TMEM255B: variants seen among roughly 807,000 people sequenced by gnomAD.
TMEM255B encodes the protein family with sequence similarity 70, member B.
Under a neutral mutation model 34.5 loss-of-function variants are expected in TMEM255B, and 35 were observed. The observed-to-expected ratio is 1.01, with a 90% CI of 0.77 to 1.34. The LOEUF (loss-of-function observed/expected upper bound fraction) is 1.34, where lower values mean the gene tolerates loss of function less well. Among genes scored for constraint, TMEM255B ranks in the 40% most tolerant of loss-of-function variants. The pLI is 0.00. For missense variants in TMEM255B, 432 were observed against 433.2 expected, an observed-to-expected ratio of 1.00 and a Z score of 0.02; for synonymous variants, 206 against 201.2, an observed-to-expected ratio of 1.02 and a Z score of -0.20.
At chr13:113,795,943 G>GCA (rs1173810363) in intron 4 of TMEM255B, among the ~76,000 whole-genome samples, 1 of 125,314 alleles carries the variant, frequency 8.0e-6, no homozygotes, top group Non-Finnish European at 1.6e-5. Flanking sequence ...AACACACAGA[G>GCA]CACACAGCAC....
chr13:113,788,748 C>G (rs1229407875), intron 3 of TMEM255B, among the ~76,000 whole-genome samples: 1 of 152,116 alleles, frequency 6.6e-6, no homozygotes, highest in East Asian at 1.9e-4. Context: ...GTACTCCACT[C>G]GCGCTTCTGG....
chr13:113,784,056 A>G (rs976142912), intron 3 of TMEM255B, among the ~76,000 whole-genome samples: 2 of 152,076 alleles, frequency 1.3e-5, no homozygotes, highest in Non-Finnish European at 2.9e-5. Flanking sequence ...GTCGTTATCT[A>G]GTTTGAATTG....
intron 4 of TMEM255B, among the ~76,000 whole-genome samples, chr13:113,796,553 T>C (rs1393113423): frequency 6.6e-6 from 1 of 150,866 alleles, no homozygotes; most frequent in Non-Finnish European, 1.5e-5. Flanking sequence ...CACACACACA[T>C]ACACACCACA....
At chr13:113,798,253 TGATG>T (rs2050976462) in intron 4 of TMEM255B, among the ~76,000 whole-genome samples, 2 of 149,350 alleles carry the variant, frequency 1.3e-5, no homozygotes, top group South Asian at 4.3e-4. Context: ...GAAGGATGGA[TGATG>T]GATGGATAGA....
rs1009168310 is a variant in TMEM255B, at chr13:113,816,284, A to T, written c.*4381A>T. The T allele has an allele frequency of 7.1e-6, 1 of 140,984 alleles. No individual in the cohort carries two copies. The highest frequency in any genetic ancestry group is 8.3e-5 in the Admixed American group (1 of 12,050). The allele number at this position is 140,984 out of a possible 1,614,324, so 8.7% of individuals were successfully genotyped here. A position where few individuals can be genotyped will look rare whatever the true frequency, so the allele number is the denominator to read the frequency against. ...CAAGTGTGTTCTAAGCGTGTTCTGG[A>T]TGGGGAGAGGTGCAGTCACTGGTCA... On this transcript the variant is annotated 3_prime_UTR_variant, in exon 9 of 9. Coordinates refer to ENST00000375353, the MANE Select transcript of TMEM255B (RefSeq NM_182614.4).
At position 113,806,937 on chromosome 13, in the gene TMEM255B, G is replaced by C. The variant is rs142479538; in HGVS notation, c.813+1909G>C. On this transcript the variant is annotated intron_variant, in intron 8 of 8. Transcript: ENST00000375353. The surrounding 1 kb of genome is among the most constrained non-coding windows in gnomAD (Gnocchi z 4.2). ...TTGGAATCGCATGGGTGCCAAGAAC[G>C]TGCAGCCCAGAGCATAGCCTCGGTG... Among the ~76,000 whole-genome samples, 1 of 152,174 alleles carries C rather than the reference G, an allele frequency of 6.6e-6. No individual in the cohort carries two copies. The highest frequency in any genetic ancestry group is 1.5e-5 in the Non-Finnish European group (1 of 68,010).
chr13:113,759,402 G>T (rs181900783), intron 1 of TMEM255B, 87 bp downstream of exon 1: 1 of 1,170,138 alleles, frequency 8.5e-7, no homozygotes. Flanking sequence ...CGGCCGGCCC[G>T]GGCGGAACCT....
intron 1 of TMEM255B, among the ~76,000 whole-genome samples, chr13:113,762,541 A>G (rs1247383377): frequency 1.3e-5 from 2 of 152,354 alleles, no homozygotes; most frequent in African/African-American, 4.8e-5. Flanking sequence ...AGGGGTAAAC[A>G]TAGCAAAGTT....
At chr13:113,808,830 C>G (rs557415272) in intron 8 of TMEM255B, among the ~76,000 whole-genome samples, 27 of 114,686 alleles carry the variant, frequency 2.4e-4, no homozygotes, top group African/African-American at 9.1e-4. Context: ...GGGGTTTACT[C>G]CGTGGTTCCT....
chr13:113,795,355 G>A (rs117636092), intron 4 of TMEM255B, 118 bp downstream of exon 4: 56,111 of 1,056,448 alleles, frequency 0.053, 2,563 homozygotes, highest in Admixed American at 0.21. Context: ...CAGTCTCCAC[G>A]CTGGGGGTTG....
chr13:113,788,431 G>A (rs1278294647), intron 3 of TMEM255B, among the ~76,000 whole-genome samples: 1 of 150,104 alleles, frequency 6.7e-6, no homozygotes, highest in Non-Finnish European at 1.5e-5. Flanking sequence ...CCTCTCGCAG[G>A]TGGAGCTGCT....
At chr13:113,791,159 G>A (rs1206762150) in intron 3 of TMEM255B, among the ~76,000 whole-genome samples, 1 of 152,216 alleles carries the variant, frequency 6.6e-6, no homozygotes, top group East Asian at 1.9e-4. Context: ...GTCCTGCCCA[G>A]GGCTGGGTTG....
chr13:113,804,097 C>T lies in TMEM255B; in HGVS notation c.670-788C>T, dbSNP rs118069991. Among the ~76,000 whole-genome samples, 1,116 of 152,300 alleles carry T rather than the reference C, an allele frequency of 7.3e-3. 11 individuals are homozygous for T. Among genetic ancestry groups the T allele is most frequent in the Non-Finnish European group, 0.011 (731 of 68,018 alleles). On this transcript the variant is annotated intron_variant, in intron 7 of 8. Coordinates refer to ENST00000375353, the MANE Select transcript of TMEM255B (RefSeq NM_182614.4). The stretch of plus-strand genomic sequence containing the variant: ...TGAAGGTGGGGAGGGAGGCGAAGCC[C>T]GGGTGCCCTCGGCCCAGTCCCCGCG...
chr13:113,775,247 C>T (rs1413698946), intron 3 of TMEM255B, among the ~76,000 whole-genome samples: 1 of 152,216 alleles, frequency 6.6e-6, no homozygotes, highest in Non-Finnish European at 1.5e-5. Context: ...ACACCACACA[C>T]AGAAGTCTTT....
Position 113,801,645 on chromosome 13 carries a change from C to G in TMEM255B, c.510-8C>G. The stretch of plus-strand genomic sequence containing the variant: ...GTGCGGTGACGCCATGGTGCCCTCT[C>G]TGTGCAGCGCAGAGCCCTCGCCCGC... On this transcript the variant is annotated splice_region_variant and splice_polypyrimidine_tract_variant and intron_variant, in intron 6 of 8. Coordinates refer to ENST00000375353, the MANE Select transcript of TMEM255B (RefSeq NM_182614.4). The G allele has an allele frequency of 6.3e-7, 1 of 1,585,688 alleles. No homozygotes were observed.
At chr13:113,807,231 G>A (rs1318196835) in intron 8 of TMEM255B, among the ~76,000 whole-genome samples, 1 of 152,074 alleles carries the variant, frequency 6.6e-6, no homozygotes, top group Non-Finnish European at 1.5e-5. Flanking sequence ...CTCCCTGCCT[G>A]TGAGCCCCAC....
Position 113,814,772 on chromosome 13 carries a change from A to G in TMEM255B, c.*2869A>G, listed in dbSNP as rs2051384295. 1.3e-5 allele frequency: 2 copies of G among 150,038 alleles called. No individual in the cohort carries two copies. Among genetic ancestry groups the G allele is most frequent in the East Asian group, 4.0e-4 (2 of 4,972 alleles). 9.3% of individuals were successfully genotyped at this position (150,038 alleles called of 1,614,324 possible). On this transcript the variant is annotated 3_prime_UTR_variant, in exon 9 of 9. Coordinates refer to ENST00000375353, the MANE Select transcript of TMEM255B (RefSeq NM_182614.4). ...CCTCCTCTGCAGGGATGGGCTCCCAATCCCGCCCTCACTTGGTTCCCATGC... is the reference window on the plus strand; with the variant it reads ...CCTCCTCTGCAGGGATGGGCTCCCAGTCCCGCCCTCACTTGGTTCCCATGC...
intron 7 of TMEM255B, 90 bp from the exon 8 acceptor site, chr13:113,804,795 G>A: frequency 1.6e-6 from 2 of 1,224,072 alleles, no homozygotes; most frequent in Non-Finnish European, 2.2e-6. Flanking sequence ...AGAGTCGGGG[G>A]TCGAGGGTGC....
chr13:113,800,299 C>CTGTGTGTGTG (rs1491395254), intron 5 of TMEM255B, among the ~76,000 whole-genome samples: 3 of 62,644 alleles, frequency 4.8e-5, no homozygotes, highest in African/African-American at 1.6e-4. Flanking sequence ...GGGAGGCGTC[C>CTGTGTGTGTG]TCTGTGTGTG....
Sources: gnomAD v4.1 joint callset for allele counts (sites outside exome capture counted in the v4.1 genomes callset) on GRCh38, gnomAD v4.1.1 for gene constraint, Gnocchi (gnomAD v3.1) non-coding constraint, MANE v1.5 for transcripts, NCBI Gene and HGNC (gene_info 2026-07-23, HGNC 2026-07-21) for gene names.